Variants in ACSL1 observed in about 807,000 individuals in gnomAD.
The protein encoded by ACSL1 is acyl-CoA synthetase long chain family member 1.
ACSL1 carries 41 observed loss-of-function variants against 98.4 expected under a neutral mutation model. The observed-to-expected ratio is 0.42, with a 90% CI of 0.32 to 0.54. The LOEUF (loss-of-function observed/expected upper bound fraction) is 0.54, where lower values mean the gene tolerates loss of function less well. Among genes scored for constraint, ACSL1 ranks in the 20% least tolerant of loss-of-function variants. ACSL1 has a pLI of 0.13. For synonymous variants in ACSL1, 316 were observed against 322.7 expected (o/e 0.98, Z 0.22); for missense variants, 734 against 883.1 (o/e 0.83, Z 2.14).
At chr4:184,807,147 AAG>A in intron 1 of ACSL1, among the ~76,000 whole-genome samples, 1 of 152,246 alleles carries the variant, frequency 6.6e-6, no homozygotes, top group Non-Finnish European at 1.5e-5. Flanking sequence ...AGGGGTCTCT[AAG>A]AAGGACTAAG....
chr4:184,764,489 T>C (rs1174683754), intron 15 of ACSL1, among the ~76,000 whole-genome samples: 5 of 152,142 alleles, frequency 3.3e-5, no homozygotes, highest in African/African-American at 7.2e-5. Context: ...CAATAACTAT[T>C]TGTTGTTTAA....
At chr4:184,759,799 A>G (rs557136584) in intron 18 of ACSL1, among the ~76,000 whole-genome samples, 1 of 152,224 alleles carries the variant, frequency 6.6e-6, no homozygotes, top group Non-Finnish European at 1.5e-5. Flanking sequence ...ATCTAGAACT[A>G]GAAATACCAT....
intron 16 of ACSL1, 41 bp from the exon 17 acceptor site, chr4:184,762,564 G>C: frequency 1.3e-6 from 2 of 1,574,184 alleles, no homozygotes; most frequent in Non-Finnish European, 8.7e-7. Context: ...ATTTACTGGG[G>C]TTTTTCCAGA....
chr4:184,785,574 G>A (rs1767070089), intron 3 of ACSL1, among the ~76,000 whole-genome samples: 1 of 110,798 alleles, frequency 9.0e-6, no homozygotes, highest in Non-Finnish European at 1.7e-5. Flanking sequence ...GAAAATCAAA[G>A]CTTAGAATAA....
At chr4:184,763,981 A>T (rs1001084798) in intron 15 of ACSL1, among the ~76,000 whole-genome samples, 59 of 152,256 alleles carry the variant, frequency 3.9e-4, no homozygotes, top group African/African-American at 1.4e-3. Context: ...CATAAAGAAG[A>T]TTCACAGACT....
intron 1 of ACSL1, chr4:184,821,000 T>C (rs1773025663): frequency 2.2e-6 from 1 of 456,202 alleles, no homozygotes; most frequent in Non-Finnish European, 4.4e-6. Context: ...AATTCTGGTA[T>C]GGGGAACTTA....
At chr4:184,796,256 C>T (rs1769342181) in intron 2 of ACSL1, among the ~76,000 whole-genome samples, 1 of 152,220 alleles carries the variant, frequency 6.6e-6, no homozygotes, top group African/African-American at 2.4e-5. Flanking sequence ...GGGACTCGGA[C>T]TGGCTTTCTT....
At chr4:184,796,265 T>G (rs1561224452) in intron 2 of ACSL1, among the ~76,000 whole-genome samples, 1 of 152,224 alleles carries the variant, frequency 6.6e-6, no homozygotes, top group Admixed American at 6.5e-5. Context: ...ACTGGCTTTC[T>G]TGCTCCTCAG....
chr4:184,779,639 G>GA (rs1205864967), intron 5 of ACSL1, among the ~76,000 whole-genome samples: 15 of 151,688 alleles, frequency 9.9e-5, no homozygotes, highest in African/African-American at 3.4e-4. Flanking sequence ...TTTCAGAAAG[G>GA]AAAAAAAGGA....
At chr4:184,826,239 G>A (rs1773486578), upstream of ACSL1, 3 of 150,624 alleles carry the variant, frequency 2.0e-5, no homozygotes. Context: ...CGCCGCTGGA[G>A]TCGCCCAGAC....
At chr4:184,826,203 GC>G (rs1213988910), upstream of ACSL1, 4 of 150,486 alleles carry the variant, frequency 2.7e-5, no homozygotes, top group African/African-American at 9.7e-5. Flanking sequence ...CGGGTGGCCG[GC>G]GGTCGAGAGG....
chr4:184,783,953 G>A lies in ACSL1; in HGVS notation c.349C>T (p.Pro117Ser), dbSNP rs773377069. ...PCLGSRKPDQ[P>S]YEWLSYKQVA... ...TGTTTATATGAAAGCCATTCATAGG[G>A]TTGGTCTGGTTTCCGAGAGCCTAAA... is the stretch of plus-strand genomic sequence containing the variant. The change falls in exon 4 of 21, where the codon CCC (proline) becomes TCC (serine). Residue 117 changes from proline to serine, a missense_variant. By Grantham distance (74) the Pro-to-Ser change is moderately conservative. Transcript: ENST00000281455. 6.2e-7 allele frequency: 1 copy of A among 1,613,926 alleles called. No individual in the cohort carries two copies. The highest frequency in any genetic ancestry group is 1.1e-5 in the South Asian group (1 of 91,070).
In ACSL1 at chr4:184,773,517, A is replaced by C. The variant is rs772804440; in HGVS notation, c.841+146T>G. 8 of 734,140 alleles carry C rather than the reference A, an allele frequency of 1.1e-5. No individual in the cohort carries two copies. The highest frequency in any genetic ancestry group is 2.8e-4 in the Middle Eastern group (1 of 3,538). 45.5% of individuals were successfully genotyped at this position (734,140 alleles called of 1,614,324 possible). Reference sequence around the variant, plus strand: ...CTTGGACTCTGAGAAGATCTTACAGAGCAACAAGAAGACAGCACTTGAACC... The same window carrying C: ...CTTGGACTCTGAGAAGATCTTACAGCGCAACAAGAAGACAGCACTTGAACC... On this transcript the variant is annotated intron_variant, in intron 9 of 20. Coordinates refer to ENST00000281455, the MANE Select transcript of ACSL1 (RefSeq NM_001995.5). This position sits in a 1 kb window ranked among gnomAD's most constrained non-coding sequence, Gnocchi z 4.3.
At chr4:184,812,047 A>G (rs1181708157) in intron 1 of ACSL1, 17 of 486,366 alleles carry the variant, frequency 3.5e-5, no homozygotes, top group Non-Finnish European at 4.5e-5. Flanking sequence ...ACAACTACCC[A>G]GAAATCCTAC....
intron 4 of ACSL1, 106 bp downstream of exon 4, chr4:184,783,821 G>T: frequency 3.8e-6 from 4 of 1,045,676 alleles, no homozygotes; most frequent in Non-Finnish European, 4.4e-6. Flanking sequence ...CTCTGAGCTG[G>T]TCCAGCACAT....
At chr4:184,798,466 G>A (rs1052942704) in intron 2 of ACSL1, 1 of 164,490 alleles carries the variant, frequency 6.1e-6, no homozygotes, top group Non-Finnish European at 1.3e-5. Flanking sequence ...CTCTCATAAG[G>A]AGAGGAACTC....
chr4:184,814,240 A>G (rs1486805480), intron 1 of ACSL1, among the ~76,000 whole-genome samples: 8 of 150,430 alleles, frequency 5.3e-5, no homozygotes, highest in Non-Finnish European at 8.9e-5. Flanking sequence ...GCAGTGAGCC[A>G]AGATCGTGCC....
chr4:184,762,647 T>C, intron 16 of ACSL1, 124 bp from the exon 17 acceptor site: 1 of 825,504 alleles, frequency 1.2e-6, no homozygotes. Context: ...AACTCCAGGA[T>C]GCAGAGGGAG....
chr4:184,771,806 G>C (rs1485466235), intron 10 of ACSL1, among the ~76,000 whole-genome samples: 1 of 151,868 alleles, frequency 6.6e-6, no homozygotes, highest in Non-Finnish European at 1.5e-5. Context: ...TGTGACAATG[G>C]ATGAAAGCAT....
Sources: gnomAD v4.1 joint callset for allele counts (sites outside exome capture counted in the v4.1 genomes callset) on GRCh38, gnomAD v4.1.1 for gene constraint, Gnocchi (gnomAD v3.1) non-coding constraint, MANE v1.5 for transcripts, NCBI Gene and HGNC (gene_info 2026-07-23, HGNC 2026-07-21) for gene names.